Variants in COMT observed in about 807,000 individuals in gnomAD.
The protein encoded by COMT is catechol-O-methyltransferase, also known as catechol O-methyltransferase.
A neutral mutation model predicts 18.9 loss-of-function variants in COMT; 13 were observed. The observed-to-expected ratio is 0.69, with a 90% CI of 0.45 to 1.09. The LOEUF is 1.09. COMT is among the 50% of genes least tolerant of loss of function. The pLI, the probability that COMT is intolerant of heterozygous loss-of-function variation, is 0.00. For synonymous variants in COMT, 150 were observed against 160.9 expected (o/e 0.93, Z 0.51); for missense variants, 329 against 361.8 (o/e 0.91, Z 0.73).
chr22:19,963,723 C>T lies in COMT; in HGVS notation c.447C>T (p.Thr149=), dbSNP rs537941380. 38 of 1,612,816 alleles carry T rather than the reference C, an allele frequency of 2.4e-5. No homozygotes were observed. The highest frequency in any genetic ancestry group is 1.2e-4 in the Admixed American group (7 of 60,012). ...IEINPDCAAI[T]QRMVDFAGVK... ...TCAACCCCGACTGTGCCGCCATCACCCAGCGGATGGTGGATTTCGCTGGCG... is the reference window on the plus strand; with the variant it reads ...TCAACCCCGACTGTGCCGCCATCACTCAGCGGATGGTGGATTTCGCTGGCG... Residue 149 remains threonine, a synonymous_variant, in exon 4 of 6, where the codon ACC becomes ACT. Transcript: ENST00000361682.
intron 1 of COMT, among the ~76,000 whole-genome samples, chr22:19,957,856 C>T (rs1338388308): frequency 3.3e-5 from 5 of 152,156 alleles, no homozygotes; most frequent in South Asian, 2.1e-4. Flanking sequence ...TTTGATGAAC[C>T]GTGAATTCAT....
In COMT at chr22:19,969,088, A is replaced by C. The variant is rs1942598324; in HGVS notation, c.*352A>C. On this transcript the variant is annotated 3_prime_UTR_variant, in exon 6 of 6. Transcript: ENST00000361682. ...CCCTGCTGCCCTTGACTTGGGCACC[A>C]AACATTCAAAGCTCCCCTTGACGGA... 2 of 242,088 alleles carry C rather than the reference A, an allele frequency of 8.3e-6. No homozygotes were observed. Among genetic ancestry groups the C allele is most frequent in the Non-Finnish European group, 1.7e-5 (2 of 120,384 alleles). 15.0% of individuals were successfully genotyped at this position (242,088 alleles called of 1,614,324 possible).
In COMT at chr22:19,966,576, G is replaced by C. The variant is rs9332371; in HGVS notation, c.616-1960G>C. 5.2e-3 allele frequency among the ~76,000 whole-genome samples: 786 copies of C among 151,222 alleles called. 7 individuals are homozygous for C. Among genetic ancestry groups the C allele is most frequent in the African/African-American group, 0.018 (755 of 41,018 alleles). On this transcript the variant is annotated intron_variant, in intron 5 of 5. Transcript: ENST00000361682. ...CCACCTCAGCCTCCTGAGTAGCTAG[G>C]ACTAAAGGCATGCACCACTACACCT...
At chr22:19,950,639 G>A (rs771886673) in intron 1 of COMT, among the ~76,000 whole-genome samples, 55 of 152,100 alleles carry the variant, frequency 3.6e-4, no homozygotes, top group Non-Finnish European at 4.9e-4. Context: ...GCTGGAGGGG[G>A]AAGAGAGAGG....
intron 1 of COMT, among the ~76,000 whole-genome samples, chr22:19,952,568 G>C (rs1325837996): frequency 2.0e-5 from 3 of 151,414 alleles, no homozygotes; most frequent in Non-Finnish European, 2.9e-5. Context: ...GAACCCGGGG[G>C]ATGGAGCTTG....
At chr22:19,942,271 G>A (rs1001738737) in intron 1 of COMT, among the ~76,000 whole-genome samples, 3 of 152,204 alleles carry the variant, frequency 2.0e-5, no homozygotes, top group African/African-American at 7.2e-5. Context: ...GTGTGGTAGA[G>A]TCACAGGGGA....
At chr22:19,943,357 A>G (rs1245632112) in intron 1 of COMT, among the ~76,000 whole-genome samples, 1 of 152,198 alleles carries the variant, frequency 6.6e-6, no homozygotes, top group African/African-American at 2.4e-5. Flanking sequence ...TGAGGAAACA[A>G]AAATAACAGG....
At chr22:19,945,911 C>T (rs903093749) in intron 1 of COMT, among the ~76,000 whole-genome samples, 17 of 152,166 alleles carry the variant, frequency 1.1e-4, no homozygotes, top group African/African-American at 2.7e-4. Context: ...GTGATCCACC[C>T]GCCTCGGCCT....
intron 4 of COMT, 29 bp downstream of exon 4, chr22:19,963,788 T>C: frequency 6.2e-7 from 1 of 1,602,064 alleles, no homozygotes. Context: ...TTGTCAGACC[T>C]GGAAAAAGGG....
At chr22:19,948,059 G>T (rs989482088) in intron 1 of COMT, among the ~76,000 whole-genome samples, 5 of 152,150 alleles carry the variant, frequency 3.3e-5, no homozygotes, top group Admixed American at 2.0e-4. Context: ...GTAGAGCGAA[G>T]ATTATTATAA....
chr22:19,969,940 G>A lies in COMT; in HGVS notation c.*1204G>A, dbSNP rs1056398253. The stretch of plus-strand genomic sequence containing the variant: ...TTTAAATTTTCTTACAAAAATTTAG[G>A]TGTTTACCAATAGTCTTATTTTGGC... On this transcript the variant is annotated 3_prime_UTR_variant, in exon 6 of 6. Coordinates refer to ENST00000361682, the MANE Select transcript of COMT (RefSeq NM_000754.4). 2.0e-6 allele frequency: 2 copies of A among 985,444 alleles called. No homozygotes were observed. The highest frequency in any genetic ancestry group is 1.2e-6 in the Non-Finnish European group (1 of 829,938). The allele number at this position is 985,444 out of a possible 1,614,324, so 61.0% of individuals were successfully genotyped here.
chr22:19,941,794 T>C lies in COMT; in HGVS notation c.-195T>C. On this transcript the variant is annotated 5_prime_UTR_variant, in exon 1 of 6. Transcript: ENST00000361682. The stretch of plus-strand genomic sequence containing the variant: ...CCTAATCCCCGCAGCGCCACCGCCA[T>C]TGCCGCCATCGTCGTGGGGCTTCTG... 1 of 1,534,616 alleles carries C rather than the reference T, an allele frequency of 6.5e-7. No homozygotes were observed. Among genetic ancestry groups the C allele is most frequent in the Non-Finnish European group, 8.7e-7 (1 of 1,151,692 alleles).
chr22:19,954,642 G>A (rs1942021783), intron 1 of COMT, among the ~76,000 whole-genome samples: 1 of 152,034 alleles, frequency 6.6e-6, no homozygotes, highest in Admixed American at 6.6e-5. Flanking sequence ...AATAGAGACT[G>A]GGGTTTCACC....
At chr22:19,963,227 G>A (rs1289844700) in intron 3 of COMT, 5 of 506,236 alleles carry the variant, frequency 9.9e-6, no homozygotes, top group African/African-American at 3.8e-5. Context: ...GGGCCCCAAG[G>A]TGGGCGGTTC....
chr22:19,968,616 C>G lies in COMT; in HGVS notation c.696C>G (p.His232Gln). 6.2e-7 allele frequency: 1 copy of G among 1,614,080 alleles called. No individual in the cohort carries two copies. Among genetic ancestry groups the G allele is most frequent in the Non-Finnish European group, 8.5e-7 (1 of 1,179,996 alleles). The change falls in exon 6 of 6, where the codon CAC becomes CAG. Residue 232 changes from histidine (H) to glutamine (Q), a missense_variant. By Grantham distance (24) the His-to-Gln change is conservative. Transcript: ENST00000361682. ...CAGGTGCGCCAGACTTCCTAGCACA[C>G]GTGCGCGGGAGCAGCTGCTTTGAGT... ...ICPGAPDFLAHVRGSSCFECT... is the reference protein window; with the variant it reads ...ICPGAPDFLAQVRGSSCFECT...
chr22:19,959,932 G>A (rs1942156477), intron 1 of COMT, among the ~76,000 whole-genome samples: 1 of 152,216 alleles, frequency 6.6e-6, no homozygotes, highest in South Asian at 2.1e-4. Flanking sequence ...GGACAGGCGG[G>A]CACTGGGTGC....
intron 1 of COMT, among the ~76,000 whole-genome samples, chr22:19,946,343 C>T (rs1173913645): frequency 6.6e-6 from 1 of 152,042 alleles, no homozygotes; most frequent in African/African-American, 2.4e-5. Context: ...CAAAAATTAG[C>T]CAGTTGTGGT....
chr22:19,967,381 C>G (rs902227636), intron 5 of COMT: 27 of 483,728 alleles, frequency 5.6e-5, no homozygotes, highest in African/African-American at 1.0e-4. Context: ...TTTCAGCTGA[C>G]ATTGCTAGGA....
intron 1 of COMT, among the ~76,000 whole-genome samples, chr22:19,954,477 A>G (rs565399181): frequency 6.6e-6 from 1 of 152,228 alleles, no homozygotes; most frequent in South Asian, 2.1e-4. Flanking sequence ...TTTGAGATGG[A>G]GTCCCACTCT....
Sources: gnomAD v4.1 joint callset for allele counts (sites outside exome capture counted in the v4.1 genomes callset) on GRCh38, gnomAD v4.1.1 for gene constraint, MANE v1.5 for transcripts, NCBI Gene and HGNC (gene_info 2026-07-23, HGNC 2026-07-21) for gene names.